QRICH1: variants seen among roughly 807,000 people sequenced by gnomAD.
QRICH1 encodes transcriptional regulator QRICH1.
A neutral mutation model predicts 87.1 loss-of-function variants in QRICH1; 16 were observed. That is an observed-to-expected ratio of 0.18 (90% CI 0.12 to 0.28). The LOEUF (loss-of-function observed/expected upper bound fraction) is 0.28, where lower values mean the gene tolerates loss of function less well. Ranked by LOEUF, QRICH1 falls within the 10% of genes least tolerant of loss-of-function variation. The pLI is 1.00. For synonymous variants in QRICH1, 367 were observed against 368.4 expected (o/e 1.00, Z 0.05); for missense variants, 647 against 951.7 (o/e 0.68, Z 4.21).
At chr3:49,088,287 T>C (rs1245065694) in intron 1 of QRICH1, among the ~76,000 whole-genome samples, 1 of 151,598 alleles carries the variant, frequency 6.6e-6, no homozygotes, top group East Asian at 1.9e-4. Flanking sequence ...TGCCTGGGTT[T>C]TGTTTCTTTG....
At chr3:49,077,240 T>G (rs1160778191) in intron 1 of QRICH1, among the ~76,000 whole-genome samples, 1 of 152,160 alleles carries the variant, frequency 6.6e-6, no homozygotes, top group African/African-American at 2.4e-5. Context: ...TAAATAAAAC[T>G]ATCACACTGA....
chr3:49,071,726 T>C (rs1317699778), intron 2 of QRICH1, among the ~76,000 whole-genome samples: 1 of 152,190 alleles, frequency 6.6e-6, no homozygotes, highest in Non-Finnish European at 1.5e-5. Context: ...TTTCCTGTCC[T>C]TAGTGTAAAA....
chr3:49,054,693 C>T (rs1485433622), intron 3 of QRICH1, among the ~76,000 whole-genome samples: 1 of 152,080 alleles, frequency 6.6e-6, no homozygotes, highest in Non-Finnish European at 1.5e-5. Flanking sequence ...TCACTTGAGG[C>T]CAGGAGTTCA....
Position 49,041,251 on chromosome 3 carries a change from G to A in QRICH1, c.1786+3139C>T, listed in dbSNP as rs548819568. On this transcript the variant is annotated intron_variant, in intron 6 of 9. Coordinates refer to ENST00000395443, the MANE Select transcript of QRICH1 (RefSeq NM_198880.3). ...CTCCTAAAGTGCTAGGATTACAGAC[G>A]TGAGCCACCGCACCCAGCCCATCTT... Among the ~76,000 whole-genome samples the A allele has an allele frequency of 2.0e-5, 3 of 152,100 alleles. No individual in the cohort carries two copies. The East Asian group carries it at 5.8e-4, about 29-fold the overall frequency.
chr3:49,046,685 T>C (rs773581001), intron 4 of QRICH1, 106 bp from the exon 5 acceptor site: 5 of 1,227,964 alleles, frequency 4.1e-6, no homozygotes, highest in Non-Finnish European at 3.4e-6. Flanking sequence ...TGCTCACTTG[T>C]ATCTACTAGA....
intron 2 of QRICH1, among the ~76,000 whole-genome samples, chr3:49,067,341 G>A (rs1422644516): frequency 6.6e-6 from 1 of 152,004 alleles, no homozygotes; most frequent in African/African-American, 2.4e-5. Context: ...GCCAAGGTAG[G>A]CAGATCACAA....
intron 2 of QRICH1, among the ~76,000 whole-genome samples, chr3:49,074,298 C>T (rs1183759043): frequency 1.3e-5 from 2 of 151,816 alleles, no homozygotes; most frequent in Non-Finnish European, 2.9e-5. Context: ...CTCAGATGGA[C>T]GTGGTGGCTC....
Position 49,057,722 on chromosome 3 carries a change from T to C in QRICH1, c.478A>G (p.Ser160Gly), listed in dbSNP as rs771843632. ...TGAGCTGCTTGCAGCTGCGAGGGACTGGGACTCTGCAGAGACGGGGTCTGA... is the reference window on the plus strand; with the variant it reads ...TGAGCTGCTTGCAGCTGCGAGGGACCGGGACTCTGCAGAGACGGGGTCTGA... ...SIQTPSLQSP[S>G]PSQLQAAQIQ... Residue 160 changes from serine to glycine, a missense_variant, in exon 3 of 10, where the codon AGT becomes GGT. Ser to Gly is a moderately conservative substitution (Grantham distance 56). This residue lies in a region of QRICH1 where 156 missense variants were observed against 164.5 expected (regional missense o/e 0.95). Transcript: ENST00000395443. The surrounding 1 kb of genome is among the most constrained non-coding windows in gnomAD (Gnocchi z 5.4). 5 of 1,614,068 alleles carry C rather than the reference T, an allele frequency of 3.1e-6. No individual in the cohort carries two copies. Among genetic ancestry groups the C allele is most frequent in the Non-Finnish European group, 4.2e-6 (5 of 1,180,030 alleles).
intron 2 of QRICH1, among the ~76,000 whole-genome samples, chr3:49,060,597 TG>T (rs1485519889): frequency 6.6e-6 from 1 of 152,170 alleles, no homozygotes; most frequent in Non-Finnish European, 1.5e-5. Flanking sequence ...CCCAAAGTGC[TG>T]GGATTATAGG....
At chr3:49,036,312 A>T (rs2093275095) in intron 6 of QRICH1, among the ~76,000 whole-genome samples, 1 of 152,160 alleles carries the variant, frequency 6.6e-6, no homozygotes, top group South Asian at 2.1e-4. Context: ...AACAATAAGC[A>T]CCCCTGGCAT....
upstream of QRICH1, chr3:49,094,355 G>T (rs2042340521): frequency 3.7e-6 from 1 of 273,452 alleles, no homozygotes; most frequent in Non-Finnish European, 6.8e-6. Flanking sequence ...GCCCGCCAGA[G>T]CCTCCTTTGG....
intron 6 of QRICH1, among the ~76,000 whole-genome samples, chr3:49,037,073 TAAAAAAAAAA>T (rs60963227): frequency 2.2e-5 from 2 of 92,614 alleles, no homozygotes; most frequent in Non-Finnish European, 4.0e-5. Flanking sequence ...CCCCGTCTCT[TAAAAAAAAAA>T]AAAAAAAAAA....
intron 1 of QRICH1, among the ~76,000 whole-genome samples, chr3:49,088,450 C>A (rs1212371868): frequency 6.6e-6 from 1 of 151,746 alleles, no homozygotes; most frequent in East Asian, 1.9e-4. Context: ...CGCACGCCAC[C>A]CAGCCCAGCT....
chr3:49,057,328 C>T lies in QRICH1; in HGVS notation c.872G>A (p.Ser291Asn). 1 of 1,614,236 alleles carries T rather than the reference C, an allele frequency of 6.2e-7. No homozygotes were observed. Among genetic ancestry groups the T allele is most frequent in the Non-Finnish European group, 8.5e-7 (1 of 1,180,042 alleles). ...CCCAGTGGCACTGTACAGGTGGGCACTGTCTACTGTCAGTAAGTCTGGCCT... is the reference window on the plus strand; with the variant it reads ...CCCAGTGGCACTGTACAGGTGGGCATTGTCTACTGTCAGTAAGTCTGGCCT... ...SLRPDLLTVD[S>N]AHLYSATGTI... The change falls in exon 3 of 10, where the codon AGT becomes AAT. Residue 291 changes from serine (S) to asparagine (N), a missense_variant. Around this residue, in one of 7 missense-constraint regions of QRICH1, gnomAD observed 75 missense variants for 141.0 expected, o/e 0.53. Transcript: ENST00000395443. This position sits in a 1 kb window ranked among gnomAD's most constrained non-coding sequence, Gnocchi z 5.4.
intron 6 of QRICH1, among the ~76,000 whole-genome samples, chr3:49,043,067 T>C (rs2093319643): frequency 6.6e-6 from 1 of 152,162 alleles, no homozygotes; most frequent in African/African-American, 2.4e-5. Context: ...TTATCAATTA[T>C]AACAAATGTA....
At chr3:49,074,266 A>G (rs1297616814) in intron 2 of QRICH1, among the ~76,000 whole-genome samples, 2 of 152,152 alleles carry the variant, frequency 1.3e-5, no homozygotes, top group Admixed American at 6.6e-5. Flanking sequence ...TCTATTCAGG[A>G]TGACACAAAT....
chr3:49,046,183 G>A (rs867645014), intron 5 of QRICH1, among the ~76,000 whole-genome samples: 2 of 151,364 alleles, frequency 1.3e-5, no homozygotes, highest in Non-Finnish European at 2.9e-5. Context: ...CTCCCAAAGC[G>A]CTGGGATTAC....
chr3:49,035,587 G>A lies in QRICH1; in HGVS notation c.1787-2359C>T, dbSNP rs528719894. On this transcript the variant is annotated intron_variant, in intron 6 of 9. Coordinates refer to ENST00000395443, the MANE Select transcript of QRICH1 (RefSeq NM_198880.3). ...GGAAGCCAAGGTAGGAGGACTGCTT[G>A]AACCCAGGAGTTCAAGACCAGCCTG... is the stretch of plus-strand genomic sequence containing the variant. 2.6e-5 allele frequency among the ~76,000 whole-genome samples: 4 copies of A among 151,492 alleles called. No individual in the cohort carries two copies. The East Asian group carries it at 7.8e-4, about 29-fold the overall frequency.
rs553177120 is a variant in QRICH1, at chr3:49,065,397, C to T, written c.310-7507G>A. The stretch of plus-strand genomic sequence containing the variant: ...TGACCTCAAAGTGATCTGCCCACCT[C>T]GGCATCCCAAAGTGTTAGGATTACA... On this transcript the variant is annotated intron_variant, in intron 2 of 9. Transcript: ENST00000395443. Among the ~76,000 whole-genome samples, 15 of 152,308 alleles carry T rather than the reference C, an allele frequency of 9.8e-5. No individual in the cohort carries two copies. In the East Asian group the frequency reaches 2.1e-3, roughly 22 times the overall value.
Sources: gnomAD v4.1 joint callset for allele counts (sites outside exome capture counted in the v4.1 genomes callset) on GRCh38, gnomAD v4.1.1 for gene constraint, gnomAD v4.1.1 regional missense constraint, Gnocchi (gnomAD v3.1) non-coding constraint, MANE v1.5 for transcripts, NCBI Gene and HGNC (gene_info 2026-07-23, HGNC 2026-07-21) for gene names.